CLMP: variants seen among roughly 807,000 people sequenced by gnomAD.
CLMP encodes CXADR-like membrane protein.
Under a neutral mutation model 45.2 loss-of-function variants are expected in CLMP, and 27 were observed. The observed-to-expected ratio is 0.60, with a 90% CI of 0.44 to 0.82. The LOEUF (loss-of-function observed/expected upper bound fraction) is 0.82, where lower values mean the gene tolerates loss of function less well. Ranked by LOEUF, CLMP falls within the 40% of genes least tolerant of loss-of-function variation. The pLI is 0.00. For missense variants in CLMP, 403 were observed against 448.4 expected, an observed-to-expected ratio of 0.90 and a Z score of 0.91; for synonymous variants, 167 against 171.4, an observed-to-expected ratio of 0.97 and a Z score of 0.20.
At chr11:123,150,416 T>TAAGAAAGAAAGAAAGAAAGAAAGA (rs1166159977) in intron 1 of CLMP, among the ~76,000 whole-genome samples, 38 of 30,930 alleles carry the variant, frequency 1.2e-3, no homozygotes, top group East Asian at 2.7e-3. Flanking sequence ...GGAAGGAAGG[T>TAAGAAAGAAAGAAAGAAAGAAAGA]AAGAAAGAAA....
In CLMP at chr11:123,174,158, AC is replaced by A. The variant is rs1446861030; in HGVS notation, c.28+20754del. 3.3e-5 allele frequency among the ~76,000 whole-genome samples: 5 copies of A among 152,260 alleles called. No homozygotes were observed. In the South Asian group the frequency reaches 8.3e-4, roughly 25 times the overall value. On this transcript the variant is annotated intron_variant, in intron 1 of 6. Coordinates refer to ENST00000448775, the MANE Select transcript of CLMP (RefSeq NM_024769.5). Reference sequence around the variant, plus strand: ...TTTAAACTTCTTAAGTTTAACCTTAACCTTTCCACCTTACATAGAGGCCAAG... The same window carrying A: ...TTTAAACTTCTTAAGTTTAACCTTAACTTTCCACCTTACATAGAGGCCAAG...
At chr11:123,194,203 C>G (rs1591493181) in intron 1 of CLMP, among the ~76,000 whole-genome samples, 1 of 152,118 alleles carries the variant, frequency 6.6e-6, no homozygotes, top group African/African-American at 2.4e-5. Flanking sequence ...TCCCTTTGCT[C>G]TGGAGCCTGT....
intron 5 of CLMP, among the ~76,000 whole-genome samples, chr11:123,081,272 T>C (rs200964813): frequency 6.6e-6 from 1 of 152,224 alleles, no homozygotes; most frequent in African/African-American, 2.4e-5. Flanking sequence ...AAAGATGTTA[T>C]GGAGACAATG....
chr11:123,146,065 C>A (rs921827396), intron 1 of CLMP, among the ~76,000 whole-genome samples: 1 of 152,164 alleles, frequency 6.6e-6, no homozygotes, highest in East Asian at 1.9e-4. Context: ...CTGTTAGCAT[C>A]CCTATTTTAT....
At chr11:123,168,477 G>A (rs905971645) in intron 1 of CLMP, among the ~76,000 whole-genome samples, 3 of 152,204 alleles carry the variant, frequency 2.0e-5, no homozygotes, top group Non-Finnish European at 4.4e-5. Flanking sequence ...AGTTGGGAAT[G>A]AGGCAGGGAT....
chr11:123,192,356 C>T (rs968670441), intron 1 of CLMP, among the ~76,000 whole-genome samples: 3 of 152,210 alleles, frequency 2.0e-5, no homozygotes, highest in African/African-American at 7.2e-5. Context: ...TCCCCTACCC[C>T]TATGCCCATT....
chr11:123,142,348 G>A (rs1861172670), intron 1 of CLMP, among the ~76,000 whole-genome samples: 1 of 152,068 alleles, frequency 6.6e-6, no homozygotes, highest in African/African-American at 2.4e-5. Context: ...GGTAACAGAG[G>A]CATTAGGAGA....
chr11:123,130,633 G>A (rs1374798732), intron 1 of CLMP, among the ~76,000 whole-genome samples: 3 of 152,072 alleles, frequency 2.0e-5, no homozygotes, highest in Non-Finnish European at 4.4e-5. Flanking sequence ...CCTGCCTCCT[G>A]CACATGCCAG....
chr11:123,083,850 G>A lies in CLMP; in HGVS notation c.389-3C>T, dbSNP rs970471786. The A allele has an allele frequency of 3.1e-6, 5 of 1,612,198 alleles. No individual in the cohort carries two copies. Among genetic ancestry groups the A allele is most frequent in the Admixed American group, 3.3e-5 (2 of 59,882 alleles). ...ACACTTGGGCTTGGATGGTCTCACTGGCAACAGCAACAACAAGCAAAAGTG... is the reference window on the plus strand; with the variant it reads ...ACACTTGGGCTTGGATGGTCTCACTAGCAACAGCAACAACAAGCAAAAGTG... On this transcript the variant is annotated splice_polypyrimidine_tract_variant and splice_region_variant and intron_variant, in intron 3 of 6. Transcript: ENST00000448775.
rs1861332333 is a variant in CLMP, at chr11:123,151,126, C to A, written c.28+43787G>T. Reference sequence around the variant, plus strand: ...TGAGAATGGCAGCAGGAAGGAGGACCAGCGTGCTGTCTGTGAGCTTACAAG... The same window carrying A: ...TGAGAATGGCAGCAGGAAGGAGGACAAGCGTGCTGTCTGTGAGCTTACAAG... On this transcript the variant is annotated intron_variant, in intron 1 of 6. Transcript: ENST00000448775. 2.6e-5 allele frequency among the ~76,000 whole-genome samples: 4 copies of A among 152,328 alleles called. No homozygotes were observed. In the South Asian group the frequency reaches 8.3e-4, roughly 32 times the overall value.
At chr11:123,156,409 A>G (rs1045835448) in intron 1 of CLMP, among the ~76,000 whole-genome samples, 1 of 152,242 alleles carries the variant, frequency 6.6e-6, no homozygotes, top group South Asian at 2.1e-4. Flanking sequence ...CTGTAGCCCA[A>G]TCTTGGCTGC....
chr11:123,132,380 A>C (rs953533044), intron 1 of CLMP, among the ~76,000 whole-genome samples: 2 of 152,168 alleles, frequency 1.3e-5, no homozygotes, highest in Admixed American at 1.3e-4. Flanking sequence ...CAGTTTCCCC[A>C]ATGTTTTCTA....
intron 1 of CLMP, among the ~76,000 whole-genome samples, chr11:123,194,026 A>G (rs961305988): frequency 4.6e-5 from 7 of 151,940 alleles, no homozygotes; most frequent in Non-Finnish European, 7.4e-5. Flanking sequence ...GCTCTCCCTG[A>G]CTGCCTTTCC....
chr11:123,137,730 C>T (rs1164472028), intron 1 of CLMP, among the ~76,000 whole-genome samples: 2 of 152,116 alleles, frequency 1.3e-5, no homozygotes, highest in Non-Finnish European at 2.9e-5. Flanking sequence ...GGCCCAGCTC[C>T]TCGCAAACAA....
chr11:123,167,254 C>T (rs2135537939), intron 1 of CLMP, among the ~76,000 whole-genome samples: 1 of 152,302 alleles, frequency 6.6e-6, no homozygotes, highest in South Asian at 2.1e-4. Flanking sequence ...AACCTTGACA[C>T]CATCCAGTTA....
chr11:123,073,350 A>C lies in CLMP; in HGVS notation c.*124T>G. ...ATGCTCATCTGAATCTGTTCCGTGC[A>C]ATGCTCACTGCTACTTAGATGACCT... On this transcript the variant is annotated 3_prime_UTR_variant, in exon 7 of 7. Coordinates refer to ENST00000448775, the MANE Select transcript of CLMP (RefSeq NM_024769.5). 1 of 1,056,088 alleles carries C rather than the reference A, an allele frequency of 9.5e-7. No individual in the cohort carries two copies. The highest frequency in any genetic ancestry group is 2.4e-5 in the Admixed American group (1 of 42,456). The allele number at this position is 1,056,088 out of a possible 1,614,324, so 65.4% of individuals were successfully genotyped here. A position where few individuals can be genotyped will look rare whatever the true frequency, so the allele number is the denominator to read the frequency against.
chr11:123,104,675 C>T (rs896298154), intron 1 of CLMP, among the ~76,000 whole-genome samples: 1 of 152,048 alleles, frequency 6.6e-6, no homozygotes, highest in Non-Finnish European at 1.5e-5. Context: ...TGTGAGCCAC[C>T]GCGTCCGGCC....
intron 1 of CLMP, among the ~76,000 whole-genome samples, chr11:123,178,515 G>A (rs1591488236): frequency 1.3e-5 from 2 of 152,276 alleles, no homozygotes; most frequent in South Asian, 2.1e-4. Context: ...CTGAGTTTCA[G>A]CAGTTTGCTC....
At chr11:123,163,984 T>A (rs1009520207) in intron 1 of CLMP, among the ~76,000 whole-genome samples, 2 of 152,224 alleles carry the variant, frequency 1.3e-5, no homozygotes, top group Non-Finnish European at 2.9e-5. Context: ...TTTTGTTTTA[T>A]TAAAAAAATC....
Sources: allele counts gnomAD v4.1 joint callset (sites outside exome capture counted in the v4.1 genomes callset), GRCh38; gene constraint gnomAD v4.1.1; transcripts MANE v1.5; gene names NCBI Gene and HGNC (gene_info 2026-07-23, HGNC 2026-07-21).